Variants in RTL4 observed in about 807,000 individuals in gnomAD.
RTL4 encodes the protein retrotransposon Gag-like protein 4.
Under a neutral mutation model 5.3 loss-of-function variants are expected in RTL4, and 4 were observed. The ratio of observed to expected loss-of-function variants is 0.75; its 90% CI spans 0.37 to 1.72. RTL4 has a LOEUF of 1.72. Among genes scored for constraint, RTL4 ranks in the 40% most tolerant of loss-of-function variants. The pLI, the probability that RTL4 is intolerant of heterozygous loss-of-function variation, is 0.04. For synonymous variants in RTL4, 98 were observed against 87.3 expected, an observed-to-expected ratio of 1.12 and a Z score of -0.68; for missense variants, 260 against 227.1, an observed-to-expected ratio of 1.14 and a Z score of -0.93.
the RTL4 span, among the ~76,000 whole-genome samples, chrX:112,186,814 C>A: frequency 8.9e-6 from 1 of 112,064 alleles, no homozygotes; most frequent in Non-Finnish European, 1.9e-5. Context: ...TTCCATTTGT[C>A]CCTTTACATC....
the RTL4 span, among the ~76,000 whole-genome samples, chrX:112,327,160 G>T: frequency 8.9e-6 from 1 of 112,478 alleles, no homozygotes; most frequent in African/African-American, 3.2e-5. Flanking sequence ...GACGGAGAAT[G>T]ACTTTGACGA....
At chrX:112,436,196 A>G in the RTL4 span, among the ~76,000 whole-genome samples, 3 of 108,035 alleles carry the variant, frequency 2.8e-5, no homozygotes, top group East Asian at 8.9e-4. Flanking sequence ...CAGTCTGGAC[A>G]ACAGAGACTC....
At chrX:112,382,046 A>T in the RTL4 span, 11 of 1,208,649 alleles carry the variant, frequency 9.1e-6, no homozygotes, top group East Asian at 3.0e-4. Context: ...ACTAACGGCT[A>T]CTCAAAGCCA....
chrX:112,341,775 G>A, the RTL4 span, among the ~76,000 whole-genome samples: 18 of 111,810 alleles, frequency 1.6e-4, no homozygotes, highest in African/African-American at 2.3e-4. Flanking sequence ...AGGGTCAGAT[G>A]AGTAATCTTA....
chrX:112,419,608 T>C, the RTL4 span, among the ~76,000 whole-genome samples: 1 of 21,569 alleles, frequency 4.6e-5, no homozygotes, highest in African/African-American at 6.9e-5. Context: ...TACATATGTA[T>C]ATGTATATAT....
chrX:112,124,677 G>T, the RTL4 span, among the ~76,000 whole-genome samples: 4 of 107,628 alleles, frequency 3.7e-5, no homozygotes, highest in Admixed American at 2.0e-4. Flanking sequence ...CGGTTGTTGG[G>T]GGGGAGGGGA....
chrX:112,288,807 A>G, the RTL4 span, among the ~76,000 whole-genome samples: 1 of 111,577 alleles, frequency 9.0e-6, no homozygotes, highest in Non-Finnish European at 1.9e-5. Flanking sequence ...GTAACTCTTA[A>G]GCTCTATTAG....
chrX:112,178,022 A>G, the RTL4 span, among the ~76,000 whole-genome samples: 5 of 109,995 alleles, frequency 4.5e-5, no homozygotes, highest in Non-Finnish European at 7.6e-5. Flanking sequence ...CAGTTTGTCA[A>G]CCCCCAGTCT....
the RTL4 span, among the ~76,000 whole-genome samples, chrX:112,151,071 G>T: frequency 8.9e-6 from 1 of 111,732 alleles, no homozygotes; most frequent in Admixed American, 9.5e-5. Context: ...AGAAACAGAG[G>T]AGTGGTCACA....
the RTL4 span, among the ~76,000 whole-genome samples, chrX:112,179,934 A>G: frequency 7.8e-4 from 87 of 111,387 alleles, no homozygotes; most frequent in Non-Finnish European, 1.3e-3. Context: ...ACTCTGGTTT[A>G]TTCTTTGTTG....
the RTL4 span, among the ~76,000 whole-genome samples, chrX:112,112,122 G>C: frequency 8.9e-6 from 1 of 112,022 alleles, no homozygotes; most frequent in Non-Finnish European, 1.9e-5. Context: ...TCCATAAACA[G>C]GGAAGCCAGC....
chrX:112,103,388 G>A, the RTL4 span, among the ~76,000 whole-genome samples: 1 of 111,212 alleles, frequency 9.0e-6, no homozygotes, highest in African/African-American at 3.3e-5. Flanking sequence ...ATGAACACAT[G>A]AGGAGGGAAA....
chrX:112,190,184 C>CTTTCTTTCTTTCTTTCTT, the RTL4 span, among the ~76,000 whole-genome samples: 1 of 98,014 alleles, frequency 1.0e-5, no homozygotes, highest in African/African-American at 3.6e-5. Flanking sequence ...TTCTTTCTTT[C>CTTTCTTTCTTTCTTTCTT]TTTCTTTCTT....
chrX:112,200,656 A>G, the RTL4 span, among the ~76,000 whole-genome samples: 1 of 112,095 alleles, frequency 8.9e-6, no homozygotes, highest in East Asian at 2.8e-4. Context: ...TCCTAACCTG[A>G]ATGGGGCTGA....
chrX:112,234,084 C>T, the RTL4 span, among the ~76,000 whole-genome samples: 62 of 109,841 alleles, frequency 5.6e-4, no homozygotes, highest in African/African-American at 2.0e-3. Context: ...CCCAGCTACT[C>T]GGGAGGCTGA....
the RTL4 span, among the ~76,000 whole-genome samples, chrX:112,377,155 C>G: frequency 9.0e-6 from 1 of 111,620 alleles, no homozygotes; most frequent in Non-Finnish European, 1.9e-5. Flanking sequence ...CATTATACCT[C>G]TCACCACTAA....
At chrX:112,211,311 G>C in the RTL4 span, among the ~76,000 whole-genome samples, 1 of 112,104 alleles carries the variant, frequency 8.9e-6, no homozygotes, top group Non-Finnish European at 1.9e-5. Flanking sequence ...ATAGATGACT[G>C]TGTACCAAGA....
chrX:112,191,632 C>T, the RTL4 span, among the ~76,000 whole-genome samples: 1 of 111,814 alleles, frequency 8.9e-6, no homozygotes, highest in Admixed American at 9.6e-5. Flanking sequence ...CCTTTCTCCC[C>T]ACTATAATAT....
At chrX:112,107,260 T>A in the RTL4 span, among the ~76,000 whole-genome samples, 1 of 112,067 alleles carries the variant, frequency 8.9e-6, no homozygotes, top group Admixed American at 9.5e-5. Context: ...CATCTTTTTA[T>A]AATGCTTATA....
Sources: gnomAD v4.1 joint callset for allele counts (sites outside exome capture counted in the v4.1 genomes callset) on GRCh38, gnomAD v4.1.1 for gene constraint, MANE v1.5 for transcripts, NCBI Gene and HGNC (gene_info 2026-07-23, HGNC 2026-07-21) for gene names.